C16orf90: variants seen among roughly 807,000 people sequenced by gnomAD.
C16orf90 encodes the protein uncharacterized protein C16orf90.
In C16orf90, 17 loss-of-function variants were observed where a neutral mutation model predicts 17.1. The ratio of observed to expected loss-of-function variants is 1.00; its 90% CI spans 0.68 to 1.49. C16orf90 has a LOEUF of 1.49. Ranked by LOEUF, C16orf90 falls within the 40% of genes most tolerant of loss-of-function variation. The pLI, the probability that C16orf90 is intolerant of heterozygous loss-of-function variation, is 0.00. For synonymous variants in C16orf90, 108 were observed against 95.8 expected (o/e 1.13, Z -0.75); for missense variants, 255 against 235.5 (o/e 1.08, Z -0.54).
chr16:3,494,795 C>T lies in C16orf90; in HGVS notation c.129G>A (p.Gln43=). 2.5e-6 allele frequency: 4 copies of T among 1,584,940 alleles called. No individual in the cohort carries two copies. The highest frequency in any genetic ancestry group is 1.7e-4 in the Middle Eastern group (1 of 5,918). The change falls in exon 2 of 3, where the codon CAG becomes CAA. Residue 43 remains glutamine (Q), a synonymous_variant. Coordinates refer to ENST00000437192, the MANE Select transcript of C16orf90 (RefSeq NM_001080524.2). ...NIYEGGLGSP[Q]PQCPSAQGSK... ...TTCCCTGGGCACTGGGGCACTGCGGCTGCGGGGACCCCAGGCCCCCCTCGT... is the reference window on the plus strand; with the variant it reads ...TTCCCTGGGCACTGGGGCACTGCGGTTGCGGGGACCCCAGGCCCCCCTCGT...
At chr16:3,495,237 C>T in intron 1 of C16orf90, 139 bp downstream of exon 1, 1 of 996,290 alleles carries the variant, frequency 1.0e-6, no homozygotes, top group Admixed American at 2.0e-5. Context: ...AAGTGGCCAG[C>T]CCAGGGGCTC....
chr16:3,495,150 T>C (rs550786380), intron 1 of C16orf90, among the ~76,000 whole-genome samples: 1 of 152,346 alleles, frequency 6.6e-6, no homozygotes, highest in South Asian at 2.1e-4. Flanking sequence ...AAGTCCTTTC[T>C]ACTACCCTGT....
At chr16:3,496,444 C>T (rs1596377022), upstream of C16orf90, 1 of 1,001,080 alleles carries the variant, frequency 1.0e-6, no homozygotes, top group African/African-American at 1.6e-5. Context: ...ACAAAACGGC[C>T]GTGGTTGTGG....
chr16:3,494,993 C>G (rs778856728), intron 1 of C16orf90, 116 bp from the exon 2 acceptor site: 20 of 806,936 alleles, frequency 2.5e-5, no homozygotes, highest in Non-Finnish European at 3.4e-5. Flanking sequence ...CCCAGCCAAC[C>G]TGGCCTCAGT....
rs886222739 is a variant in C16orf90, at chr16:3,493,538, G to A, written c.*301C>T. 7.5e-6 allele frequency: 2 copies of A among 267,472 alleles called. No homozygotes were observed. The highest frequency in any genetic ancestry group is 1.5e-5 in the Non-Finnish European group (2 of 135,060). The allele number at this position is 267,472 out of a possible 1,614,324, so 16.6% of individuals were successfully genotyped here. A position where few individuals can be genotyped will look rare whatever the true frequency, so the allele number is the denominator to read the frequency against. Reference sequence around the variant, plus strand: ...GCTGTGGGCTCCCCGGCCTCTCAGGGAGGCGGTGGCGGGGGGGCCTGATTC... The same window carrying A: ...GCTGTGGGCTCCCCGGCCTCTCAGGAAGGCGGTGGCGGGGGGGCCTGATTC... On this transcript the variant is annotated 3_prime_UTR_variant, in exon 3 of 3. Transcript: ENST00000437192.
Position 3,494,667 on chromosome 16 carries a change from C to T in C16orf90, c.257G>A (p.Arg86Gln), listed in dbSNP as rs752772167. The change falls in exon 2 of 3, where the codon CGG becomes CAG. Residue 86 changes from arginine (R) to glutamine (Q), a missense_variant. Physicochemically the swap from Arg to Gln is conservative, Grantham distance 43. Transcript: ENST00000437192. ...TGGCAGGCAGCCCCCAGCCATAAGC[C>T]GGCCCAGCCAGTGGCTCTCACACTG... is the stretch of plus-strand genomic sequence containing the variant. ...TGQCESHWLG[R>Q]LMAGGCLPQP... 15 of 1,610,854 alleles carry T rather than the reference C, an allele frequency of 9.3e-6. No homozygotes were observed. The highest frequency in any genetic ancestry group is 8.4e-5 in the Admixed American group (5 of 59,816).
rs775783720 is a variant in C16orf90 at position 3,493,834 on chromosome 16, G to A, written c.*5C>T. Reference sequence around the variant, plus strand: ...TCCTGTACCCAGTCCTGGCACTCGGGATCCCTATGGCCTCTCCAGGGCCCC... The same window carrying A: ...TCCTGTACCCAGTCCTGGCACTCGGAATCCCTATGGCCTCTCCAGGGCCCC... On this transcript the variant is annotated 3_prime_UTR_variant, in exon 3 of 3. Transcript: ENST00000437192. 1.9e-6 allele frequency: 3 copies of A among 1,596,010 alleles called. No individual in the cohort carries two copies. The highest frequency in any genetic ancestry group is 2.6e-6 in the Non-Finnish European group (3 of 1,172,016).
intron 2 of C16orf90, 49 bp from the exon 3 acceptor site, chr16:3,494,036 C>T: frequency 6.4e-7 from 1 of 1,551,436 alleles, no homozygotes; most frequent in Non-Finnish European, 8.8e-7. Context: ...CAAGGGGAGG[C>T]TGGGGGGGAG....
At chr16:3,496,313 A>C, upstream of C16orf90, 4 of 1,034,390 alleles carry the variant, frequency 3.9e-6, no homozygotes, top group Non-Finnish European at 1.5e-6. Flanking sequence ...GTTACCGTCC[A>C]GACGAACTAA....
upstream of C16orf90, among the ~76,000 whole-genome samples, chr16:3,495,957 G>A: frequency 6.6e-6 from 1 of 152,042 alleles, no homozygotes; most frequent in African/African-American, 2.4e-5. Context: ...TGGCTAACAC[G>A]GTGAAACCCC....
In C16orf90 at chr16:3,493,612, C is replaced by A; in HGVS notation, c.*227G>T. The stretch of plus-strand genomic sequence containing the variant: ...TACAAGTGGCTGACTGGAGTCTAAG[C>A]AGGCTGCAAGGGCACGGCCATGCTT... On this transcript the variant is annotated 3_prime_UTR_variant, in exon 3 of 3. Coordinates refer to ENST00000437192, the MANE Select transcript of C16orf90 (RefSeq NM_001080524.2). 1 of 409,968 alleles carries A rather than the reference C, an allele frequency of 2.4e-6. No homozygotes were observed. The highest frequency in any genetic ancestry group is 4.5e-6 in the Non-Finnish European group (1 of 221,260). The allele number at this position is 409,968 out of a possible 1,614,324, so 25.4% of individuals were successfully genotyped here.
Position 3,493,663 on chromosome 16 carries a change from ACCT to A in C16orf90, c.*173_*175del, listed in dbSNP as rs565178135. The A allele has an allele frequency of 1.9e-4, 100 of 518,718 alleles. No individual in the cohort carries two copies. Among genetic ancestry groups the A allele is most frequent in the Admixed American group, 1.8e-3 (58 of 32,150 alleles). 32.1% of individuals were successfully genotyped at this position (518,718 alleles called of 1,614,324 possible). ...CTATTGCTTCTGCCCCTCCCTCGGAACCTCCTCCTCCTCCCTCTCCCCATCACA... is the reference window on the plus strand; with the variant it reads ...CTATTGCTTCTGCCCCTCCCTCGGAACCTCCTCCTCCCTCTCCCCATCACA... On this transcript the variant is annotated 3_prime_UTR_variant, in exon 3 of 3. Transcript: ENST00000437192.
intron 1 of C16orf90, 67 bp downstream of exon 1, chr16:3,495,309 G>A (rs952400071): frequency 1.9e-5 from 30 of 1,544,782 alleles, no homozygotes; most frequent in African/African-American, 6.8e-5. Flanking sequence ...GCCACCCCTC[G>A]GCTTTGGGCC....
chr16:3,494,804 C>T lies in C16orf90; in HGVS notation c.120G>A (p.Gly40=). Residue 40 remains glycine, a synonymous_variant, in exon 2 of 3, where the codon GGG becomes GGA. Transcript: ENST00000437192. ...CACTGGGGCACTGCGGCTGCGGGGA[C>T]CCCAGGCCCCCCTCGTAGATGTTGG... ...APPNIYEGGL[G]SPQPQCPSAQ... 1.3e-6 allele frequency: 2 copies of T among 1,573,982 alleles called. No homozygotes were observed. Among genetic ancestry groups the T allele is most frequent in the Non-Finnish European group, 1.7e-6 (2 of 1,163,080 alleles).
At chr16:3,495,594 G>T, upstream of C16orf90, 1 of 1,366,698 alleles carries the variant, frequency 7.3e-7, no homozygotes, top group Non-Finnish European at 9.7e-7. Flanking sequence ...CAGTGCCCAA[G>T]GCAAGGGCAG....
At position 3,495,385 on chromosome 16, in the gene C16orf90, T is replaced by G; in HGVS notation, c.37A>C (p.Ile13Leu). The change falls in exon 1 of 3, where the codon ATA (isoleucine) becomes CTA (leucine). Residue 13 changes from isoleucine (I) to leucine (L), a missense_variant. Coordinates refer to ENST00000437192, the MANE Select transcript of C16orf90 (RefSeq NM_001080524.2). ...CCCCACAGCCCGGCACCTTCTCTTA[T>G]GTGCAGCTCAGAAAATGCACAGACC... Reference protein sequence around the residue: ...ALVCAFSELHIREDAVSQAQG... With the variant: ...ALVCAFSELHLREDAVSQAQG... 6.2e-7 allele frequency: 1 copy of G among 1,608,986 alleles called. No homozygotes were observed. Among genetic ancestry groups the G allele is most frequent in the Non-Finnish European group, 8.5e-7 (1 of 1,177,656 alleles).
chr16:3,496,489 T>A (rs74005823), upstream of C16orf90: 16,940 of 696,232 alleles, frequency 0.024, 760 homozygotes, highest in African/African-American at 0.14. Flanking sequence ...GTTCAGGAGG[T>A]GCCCAAACTT....
At chr16:3,496,574 G>C (rs1166141889), upstream of C16orf90, 4 of 539,226 alleles carry the variant, frequency 7.4e-6, no homozygotes, top group Non-Finnish European at 1.5e-5. Flanking sequence ...CCTGACTTTC[G>C]ATCAGCTGGC....
At chr16:3,496,241 G>A (rs748370746), upstream of C16orf90, 1 of 639,406 alleles carries the variant, frequency 1.6e-6, no homozygotes, top group Non-Finnish European at 3.0e-6. Flanking sequence ...CTAAAGGTTC[G>A]GCGCAAAGAG....
Sources: gnomAD v4.1 joint callset for allele counts (sites outside exome capture counted in the v4.1 genomes callset) on GRCh38, gnomAD v4.1.1 for gene constraint, MANE v1.5 for transcripts, NCBI Gene and HGNC (gene_info 2026-07-23, HGNC 2026-07-21) for gene names.